The following ELMO1 variants were observed in gnomAD, a reference collection of about 807,000 sequenced individuals.
ELMO1 encodes the protein engulfment and cell motility 1.
Under a neutral mutation model 98.9 loss-of-function variants are expected in ELMO1, and 26 were observed. The ratio of observed to expected loss-of-function variants is 0.26; its 90% CI spans 0.19 to 0.36. The LOEUF is 0.36. Ranked by LOEUF, ELMO1 falls within the 10% of genes least tolerant of loss-of-function variation. The pLI is 1.00. For synonymous variants in ELMO1, 346 were observed against 346.0 expected, an observed-to-expected ratio of 1.00 and a Z score of 0.00; for missense variants, 627 against 935.2, an observed-to-expected ratio of 0.67 and a Z score of 4.30.
intron 1 of ELMO1, among the ~76,000 whole-genome samples, chr7:37,432,661 C>A (rs1732000): frequency 6.6e-6 from 1 of 152,218 alleles, no homozygotes; most frequent in Admixed American, 6.5e-5. Context: ...ATGTAATAAA[C>A]GAAATGTGGG....
chr7:37,126,483 G>A (rs1192387203), intron 14 of ELMO1, among the ~76,000 whole-genome samples: 1 of 151,850 alleles, frequency 6.6e-6, no homozygotes, highest in Non-Finnish European at 1.5e-5. Context: ...GGGAAAGGGG[G>A]CAAGCCTAAG....
At chr7:37,337,789 A>G (rs1173517268) in intron 2 of ELMO1, among the ~76,000 whole-genome samples, 1 of 152,144 alleles carries the variant, frequency 6.6e-6, no homozygotes, top group African/African-American at 2.4e-5. Context: ...CAGGGCAGAG[A>G]CAAGAAATAC....
chr7:37,039,063 C>T (rs1795351182), intron 15 of ELMO1, among the ~76,000 whole-genome samples: 1 of 152,138 alleles, frequency 6.6e-6, no homozygotes. Context: ...CTCTGAGATT[C>T]ATGCTTTTTC....
At chr7:37,383,899 T>C (rs1011864089) in intron 1 of ELMO1, among the ~76,000 whole-genome samples, 1 of 152,164 alleles carries the variant, frequency 6.6e-6, no homozygotes, top group Non-Finnish European at 1.5e-5. Flanking sequence ...CACTGCAAGC[T>C]CCGCATCCCC....
intron 14 of ELMO1, among the ~76,000 whole-genome samples, chr7:37,123,332 A>C (rs1339805672): frequency 6.6e-6 from 1 of 152,230 alleles, no homozygotes. Flanking sequence ...CTTCAAAAAA[A>C]TCAATGAATC....
rs77711320 is a variant in ELMO1 at position 37,358,901 on chromosome 7, T to G, written c.-73-16138A>C. 2.2e-3 allele frequency among the ~76,000 whole-genome samples: 328 copies of G among 152,284 alleles called. 1 individual carries two copies. The highest frequency in any genetic ancestry group is 5.2e-3 in the South Asian group (25 of 4,826). On this transcript the variant is annotated intron_variant, in intron 1 of 21. Coordinates refer to ENST00000310758, the MANE Select transcript of ELMO1 (RefSeq NM_014800.11). ...AAGAAAGTGACTGATGGCAGTGACT[T>G]GGGCTGGAGTGGTCGTGGAGACAGA...
chr7:36,985,188 G>T, intron 16 of ELMO1: 1 of 859,978 alleles, frequency 1.2e-6, no homozygotes, highest in Non-Finnish European at 1.4e-6. Flanking sequence ...CCCTTTCCTG[G>T]CAGAGAGCCA....
intron 16 of ELMO1, among the ~76,000 whole-genome samples, chr7:36,951,352 C>G (rs1787949812): frequency 2.0e-5 from 3 of 152,242 alleles, no homozygotes; most frequent in South Asian, 4.1e-4. Context: ...CAACACTTGG[C>G]TCCGGCCAAA....
intron 15 of ELMO1, among the ~76,000 whole-genome samples, chr7:37,070,211 A>G (rs972262559): frequency 6.6e-6 from 1 of 152,126 alleles, no homozygotes; most frequent in African/African-American, 2.4e-5. Context: ...CATCCTCATC[A>G]CCCTACGTTC....
chr7:36,902,646 G>A (rs1342964573), intron 16 of ELMO1, among the ~76,000 whole-genome samples: 1 of 152,182 alleles, frequency 6.6e-6, no homozygotes, highest in Non-Finnish European at 1.5e-5. Flanking sequence ...CCCAAGTCTT[G>A]TTCTCTGGGT....
intron 16 of ELMO1, among the ~76,000 whole-genome samples, chr7:36,901,163 A>C (rs1427213170): frequency 1.3e-5 from 2 of 152,138 alleles, no homozygotes; most frequent in East Asian, 3.8e-4. Context: ...CAGCTTCCGG[A>C]AACTCAAAAT....
intron 6 of ELMO1, among the ~76,000 whole-genome samples, chr7:37,253,371 T>C (rs1311440693): frequency 1.3e-5 from 2 of 152,120 alleles, no homozygotes; most frequent in African/African-American, 2.4e-5. Context: ...ATGTGGCACA[T>C]ATACACCATG....
At chr7:37,055,117 C>T (rs1261490225) in intron 15 of ELMO1, among the ~76,000 whole-genome samples, 1 of 152,184 alleles carries the variant, frequency 6.6e-6, no homozygotes, top group African/African-American at 2.4e-5. Flanking sequence ...ACTCATCCTG[C>T]AACATAAACA....
At chr7:36,906,009 A>C (rs968894934) in intron 16 of ELMO1, among the ~76,000 whole-genome samples, 2 of 152,254 alleles carry the variant, frequency 1.3e-5, no homozygotes, top group Admixed American at 6.5e-5. Flanking sequence ...CCCCTCTGGA[A>C]AGGAGATTTG....
At chr7:37,194,523 C>A (rs1791846885) in intron 13 of ELMO1, among the ~76,000 whole-genome samples, 1 of 152,184 alleles carries the variant, frequency 6.6e-6, no homozygotes, top group Non-Finnish European at 1.5e-5. Flanking sequence ...TTACTACCAC[C>A]GAAGTGAAAT....
chr7:37,153,014 GAGA>G (rs768043375), intron 13 of ELMO1, among the ~76,000 whole-genome samples: 4 of 152,202 alleles, frequency 2.6e-5, no homozygotes, highest in Non-Finnish European at 5.9e-5. Flanking sequence ...AAGCTGCTCA[GAGA>G]AGGAGTGAGG....
At chr7:36,900,671 C>A (rs1346629093) in intron 16 of ELMO1, among the ~76,000 whole-genome samples, 1 of 152,118 alleles carries the variant, frequency 6.6e-6, no homozygotes, top group Non-Finnish European at 1.5e-5. Context: ...CTGGGCACTG[C>A]CACTAATGGG....
intron 14 of ELMO1, among the ~76,000 whole-genome samples, chr7:37,130,749 A>G (rs1366764511): frequency 7.3e-6 from 1 of 136,806 alleles, no homozygotes; most frequent in Non-Finnish European, 1.5e-5. Flanking sequence ...GTGCATATAT[A>G]CATGTGTTTG....
intron 14 of ELMO1, among the ~76,000 whole-genome samples, chr7:37,127,737 C>T (rs1269595736): frequency 6.6e-6 from 1 of 152,082 alleles, no homozygotes; most frequent in African/African-American, 2.4e-5. Flanking sequence ...TCTTATTATT[C>T]CAGTTCCACC....
Sources: allele counts gnomAD v4.1 joint callset (sites outside exome capture counted in the v4.1 genomes callset), GRCh38; gene constraint gnomAD v4.1.1; transcripts MANE v1.5; gene names NCBI Gene and HGNC (gene_info 2026-07-23, HGNC 2026-07-21).